Variants in SLC9A9 observed in about 807,000 individuals in gnomAD.
SLC9A9 encodes solute carrier family 9 member A9.
In SLC9A9, 62 loss-of-function variants were observed where a neutral mutation model predicts 77.8. The observed-to-expected ratio is 0.80, with a 90% CI of 0.65 to 0.98. The LOEUF (loss-of-function observed/expected upper bound fraction) is 0.98. Among genes scored for constraint, SLC9A9 ranks in the 50% least tolerant of loss-of-function variants. The pLI, the probability that SLC9A9 is intolerant of heterozygous loss-of-function variation, is 0.00. For synonymous variants in SLC9A9, 320 were observed against 283.5 expected (o/e 1.13, Z -1.29); for missense variants, 775 against 774.9 (o/e 1.00, Z 0.00).
intron 4 of SLC9A9, among the ~76,000 whole-genome samples, chr3:143,772,022 ATGTGTGTGTG>A (rs55750613): frequency 4.2e-5 from 6 of 141,622 alleles, no homozygotes; most frequent in African/African-American, 7.9e-5. Context: ...CATCCCCAGA[ATGTGTGTGTG>A]TGTGTGTGTG....
At chr3:143,575,888 C>T (rs1322383895) in intron 7 of SLC9A9, among the ~76,000 whole-genome samples, 1 of 152,044 alleles carries the variant, frequency 6.6e-6, no homozygotes, top group Non-Finnish European at 1.5e-5. Context: ...AAGCATTTAT[C>T]TCCTTCATAG....
chr3:143,814,681 A>G (rs549696647), intron 2 of SLC9A9, among the ~76,000 whole-genome samples: 12 of 152,234 alleles, frequency 7.9e-5, no homozygotes, highest in Non-Finnish European at 1.5e-4. Flanking sequence ...CTGAAATTCA[A>G]TAAACAGAAA....
intron 14 of SLC9A9, among the ~76,000 whole-genome samples, chr3:143,298,198 T>A (rs1381631953): frequency 5.9e-5 from 9 of 152,214 alleles, no homozygotes. Flanking sequence ...GGTTAGCCAC[T>A]GTGTATCCAT....
At chr3:143,573,197 C>G (rs2037296894) in intron 8 of SLC9A9, among the ~76,000 whole-genome samples, 1 of 152,108 alleles carries the variant, frequency 6.6e-6, no homozygotes, top group Admixed American at 6.5e-5. Flanking sequence ...ATTATTTAGA[C>G]TTAAAGTATC....
chr3:143,808,596 A>C (rs2008784519), intron 2 of SLC9A9, among the ~76,000 whole-genome samples: 1 of 152,198 alleles, frequency 6.6e-6, no homozygotes, highest in African/African-American at 2.4e-5. Flanking sequence ...CTGAGGAGAA[A>C]AACAAATCAT....
chr3:143,799,240 G>C lies in SLC9A9; in HGVS notation c.379-2337C>G, dbSNP rs551444376. On this transcript the variant is annotated intron_variant, in intron 2 of 15. Coordinates refer to ENST00000316549, the MANE Select transcript of SLC9A9 (RefSeq NM_173653.4). ...GGCAACAACCCTTAGATGCTTTACT[G>C]CCCTAGACCCATAGGGGCCAGAAGG... Among the ~76,000 whole-genome samples, 23 of 152,160 alleles carry C rather than the reference G, an allele frequency of 1.5e-4. No individual in the cohort carries two copies. The South Asian group carries it at 4.6e-3, about 30-fold the overall frequency.
At chr3:143,517,797 G>A (rs2036229537) in intron 9 of SLC9A9, 1 of 1,599,426 alleles carries the variant, frequency 6.3e-7, no homozygotes, top group Non-Finnish European at 8.5e-7. Flanking sequence ...GCCAAGCAAG[G>A]ATTCAGCTTG....
chr3:143,336,340 A>C (rs2108459454), intron 14 of SLC9A9, among the ~76,000 whole-genome samples: 1 of 152,270 alleles, frequency 6.6e-6, no homozygotes, highest in African/African-American at 2.4e-5. Context: ...ATGTTCCTCA[A>C]AAAATTAAAA....
chr3:143,469,599 G>T (rs890468646), intron 11 of SLC9A9, among the ~76,000 whole-genome samples: 1 of 152,146 alleles, frequency 6.6e-6, no homozygotes, highest in African/African-American at 2.4e-5. Flanking sequence ...TTGTTTCTAG[G>T]TTCTCAACTT....
intron 9 of SLC9A9, among the ~76,000 whole-genome samples, chr3:143,525,716 T>A (rs1321659939): frequency 6.6e-6 from 1 of 152,210 alleles, no homozygotes; most frequent in Non-Finnish European, 1.5e-5. Flanking sequence ...TTGTGGAATC[T>A]GATTTAAATG....
intron 9 of SLC9A9, among the ~76,000 whole-genome samples, chr3:143,496,232 T>G (rs2035831485): frequency 6.6e-6 from 1 of 152,208 alleles, no homozygotes; most frequent in African/African-American, 2.4e-5. Context: ...AAGTTGAACA[T>G]GAAAAACGTT....
At chr3:143,308,052 A>G (rs1578281101) in intron 14 of SLC9A9, among the ~76,000 whole-genome samples, 1 of 152,154 alleles carries the variant, frequency 6.6e-6, no homozygotes, top group Non-Finnish European at 1.5e-5. Context: ...GGGTTTTGAA[A>G]CCACAGCATC....
intron 5 of SLC9A9, among the ~76,000 whole-genome samples, chr3:143,673,393 T>A (rs1019267849): frequency 6.6e-6 from 1 of 152,130 alleles, no homozygotes. Context: ...CGACACGAAT[T>A]ACCTGCAATA....
rs141046035 is a variant in SLC9A9, at chr3:143,522,323, A to C, written c.1090-26875T>G. ...TAAAACCATTATTTGTATCCCTTTA[A>C]TTCAATCCCTATTTATTTCTAAATA... On this transcript the variant is annotated intron_variant, in intron 9 of 15. Coordinates refer to ENST00000316549, the MANE Select transcript of SLC9A9 (RefSeq NM_173653.4). Among the ~76,000 whole-genome samples the C allele has an allele frequency of 5.5e-3, 838 of 152,270 alleles. 3 individuals carry two copies. The highest frequency in any genetic ancestry group is 0.019 in the African/African-American group (780 of 41,556).
chr3:143,753,165 G>C (rs1275156446), intron 4 of SLC9A9, among the ~76,000 whole-genome samples: 5 of 152,178 alleles, frequency 3.3e-5, no homozygotes, highest in African/African-American at 1.2e-4. Context: ...TCTGCTTTTA[G>C]AAAGCTCACA....
intron 9 of SLC9A9, among the ~76,000 whole-genome samples, chr3:143,524,782 T>C (rs558534862): frequency 6.6e-6 from 1 of 152,338 alleles, no homozygotes; most frequent in African/African-American, 2.4e-5. Flanking sequence ...GTGATTAAAA[T>C]GGATTAATGT....
intron 14 of SLC9A9, among the ~76,000 whole-genome samples, chr3:143,280,872 G>A (rs796114988): frequency 5.9e-5 from 9 of 152,238 alleles, no homozygotes; most frequent in African/African-American, 1.9e-4. Flanking sequence ...TTTTACAATT[G>A]TTACTTAGTA....
At chr3:143,411,173 G>A (rs2034090484) in intron 12 of SLC9A9, among the ~76,000 whole-genome samples, 1 of 152,192 alleles carries the variant, frequency 6.6e-6, no homozygotes, top group Non-Finnish European at 1.5e-5. Context: ...TAATCAGTAA[G>A]TAACCTGTTC....
intron 11 of SLC9A9, among the ~76,000 whole-genome samples, chr3:143,489,535 T>A (rs1709410712): frequency 1.3e-5 from 2 of 151,570 alleles, no homozygotes; most frequent in Admixed American, 6.6e-5. Context: ...TTAACTCAAA[T>A]GGATAAAAAA....
Sources: gnomAD v4.1 joint callset for allele counts (sites outside exome capture counted in the v4.1 genomes callset) on GRCh38, gnomAD v4.1.1 for gene constraint, MANE v1.5 for transcripts, NCBI Gene and HGNC (gene_info 2026-07-23, HGNC 2026-07-21) for gene names.